The following ABCD3 variants were observed in gnomAD, a reference collection of about 807,000 sequenced individuals.
ABCD3 encodes the protein ATP binding cassette subfamily D member 3, also known as ATP-binding cassette sub-family D member 3.
Under a neutral mutation model 105.5 loss-of-function variants are expected in ABCD3, and 41 were observed. That is an observed-to-expected ratio of 0.39 (90% CI 0.30 to 0.50). ABCD3 has a LOEUF of 0.50. Ranked by LOEUF, ABCD3 falls within the 20% of genes least tolerant of loss-of-function variation. The pLI is 0.84. For synonymous variants in ABCD3, 258 were observed against 269.0 expected, an observed-to-expected ratio of 0.96 and a Z score of 0.40; for missense variants, 622 against 806.3, an observed-to-expected ratio of 0.77 and a Z score of 2.77.
intron 1 of ABCD3, among the ~76,000 whole-genome samples, chr1:94,420,123 ATATAG>A (rs1451204324): frequency 1.3e-5 from 2 of 152,318 alleles, no homozygotes; most frequent in African/African-American, 4.8e-5. Flanking sequence ...TGTATATGTG[ATATAG>A]TATCACATAC....
At chr1:94,413,067 T>C in the ABCD3 span, among the ~76,000 whole-genome samples, 2 of 145,570 alleles carry the variant, frequency 1.4e-5, no homozygotes, top group African/African-American at 5.5e-5. Context: ...AATGTTTAAG[T>C]TGTGAAATTT....
chr1:94,418,641 G>T, intron 1 of ABCD3, 53 bp downstream of exon 1: 1 of 1,526,010 alleles, frequency 6.6e-7, no homozygotes, highest in Non-Finnish European at 8.8e-7. Flanking sequence ...GGCGCTCCCC[G>T]CGCGCTCTCT....
intron 2 of ABCD3, 50 bp downstream of exon 2, chr1:94,458,693 TTATTTTGTCA>T (rs1214762201): frequency 1.3e-6 from 2 of 1,544,394 alleles, no homozygotes; most frequent in East Asian, 4.5e-5. Flanking sequence ...TTTATTTCAT[TTATTTTGTCA>T]TATGATTCTG....
chr1:94,430,406 G>A (rs1659626763), intron 1 of ABCD3, among the ~76,000 whole-genome samples: 1 of 152,200 alleles, frequency 6.6e-6, no homozygotes, highest in African/African-American at 2.4e-5. Flanking sequence ...TGGTTTGGCT[G>A]TGTCCCCCTA....
chr1:94,479,426 G>C (rs1056514418), intron 8 of ABCD3, among the ~76,000 whole-genome samples: 2 of 151,226 alleles, frequency 1.3e-5, no homozygotes, highest in African/African-American at 4.9e-5. Context: ...GAATTGATCA[G>C]ATTTACTTTT....
At chr1:94,483,327 A>G in intron 10 of ABCD3, 88 bp downstream of exon 10, 2 of 899,008 alleles carry the variant, frequency 2.2e-6, no homozygotes, top group Non-Finnish European at 3.7e-6. Flanking sequence ...ACATACACAC[A>G]CACACAAACA....
chr1:94,409,257 C>T, the ABCD3 span, among the ~76,000 whole-genome samples: 1 of 152,116 alleles, frequency 6.6e-6, no homozygotes, highest in Non-Finnish European at 1.5e-5. Flanking sequence ...TAAATGCTTG[C>T]AACGATGAAT....
At chr1:94,406,145 C>T in the ABCD3 span, among the ~76,000 whole-genome samples, 75 of 151,020 alleles carry the variant, frequency 5.0e-4, no homozygotes, top group African/African-American at 1.7e-3. Flanking sequence ...AATGGTTATC[C>T]AGCGATCTCA....
intron 1 of ABCD3, among the ~76,000 whole-genome samples, chr1:94,452,894 C>T (rs1001740208): frequency 9.9e-5 from 15 of 152,148 alleles, no homozygotes; most frequent in African/African-American, 3.1e-4. Flanking sequence ...TGCACCACCA[C>T]GCCCAGCTAA....
intron 20 of ABCD3, among the ~76,000 whole-genome samples, chr1:94,501,526 G>A (rs1650100201): frequency 6.6e-6 from 1 of 152,090 alleles, no homozygotes. Context: ...CAGTTTTTTG[G>A]TAGGATTGAA....
chr1:94,435,010 T>TC (rs971228894), intron 1 of ABCD3, among the ~76,000 whole-genome samples: 1 of 152,144 alleles, frequency 6.6e-6, no homozygotes, highest in African/African-American at 2.4e-5. Context: ...AACCTACATA[T>TC]CCCCCTGCCA....
intron 1 of ABCD3, among the ~76,000 whole-genome samples, chr1:94,445,394 C>G (rs372223983): frequency 2.5e-4 from 38 of 152,318 alleles, no homozygotes; most frequent in African/African-American, 8.9e-4. Flanking sequence ...CCCGGGTACT[C>G]TAAGCAGTCC....
At chr1:94,409,630 A>G in the ABCD3 span, among the ~76,000 whole-genome samples, 6 of 152,200 alleles carry the variant, frequency 3.9e-5, no homozygotes, top group Non-Finnish European at 7.3e-5. Context: ...CAGCAATAAT[A>G]AAGACTCCAT....
chr1:94,467,750 C>T (rs372501406), intron 3 of ABCD3, among the ~76,000 whole-genome samples, 169 bp from the exon 4 acceptor site: 9 of 152,048 alleles, frequency 5.9e-5, no homozygotes, highest in Admixed American at 2.0e-4. Flanking sequence ...AATATTCTTG[C>T]GTTCCCTTTA....
At chr1:94,476,027 C>G (rs1396625491) in intron 7 of ABCD3, among the ~76,000 whole-genome samples, 1 of 152,078 alleles carries the variant, frequency 6.6e-6, no homozygotes, top group East Asian at 1.9e-4. Context: ...CATCTTTTGA[C>G]CTGTGTGCAT....
chr1:94,506,891 AAGATATATATAAATG>A (rs952036213), intron 21 of ABCD3, among the ~76,000 whole-genome samples: 2 of 151,988 alleles, frequency 1.3e-5, no homozygotes, highest in Non-Finnish European at 2.9e-5. Context: ...TGAGATATAA[AAGATATATATAAATG>A]AGATACAAAA....
chr1:94,393,562 C>T, the ABCD3 span, among the ~76,000 whole-genome samples: 2 of 152,168 alleles, frequency 1.3e-5, no homozygotes, highest in East Asian at 3.9e-4. Context: ...TCGCTTGAAC[C>T]TGGGAGGAGG....
intron 20 of ABCD3, among the ~76,000 whole-genome samples, chr1:94,505,663 C>T (rs976854801): frequency 1.1e-4 from 17 of 152,030 alleles, no homozygotes; most frequent in Non-Finnish European, 1.8e-4. Context: ...GAAATTAGCC[C>T]TAAGGAGCTC....
the ABCD3 span, among the ~76,000 whole-genome samples, chr1:94,395,140 A>G: frequency 6.6e-6 from 1 of 152,110 alleles, no homozygotes; most frequent in Admixed American, 6.5e-5. Flanking sequence ...ATTCCATTCC[A>G]TAGTCTGAAT....
Sources: gnomAD v4.1 joint callset for allele counts (sites outside exome capture counted in the v4.1 genomes callset) on GRCh38, gnomAD v4.1.1 for gene constraint, MANE v1.5 for transcripts, NCBI Gene and HGNC (gene_info 2026-07-23, HGNC 2026-07-21) for gene names.